Variants in PRELID2 observed in about 807,000 individuals in gnomAD.
PRELID2 encodes the protein PRELI domain-containing protein 2.
In PRELID2, 25 loss-of-function variants were observed where a neutral mutation model predicts 28.4. The ratio of observed to expected loss-of-function variants is 0.88; its 90% CI spans 0.64 to 1.23. The LOEUF is 1.23. PRELID2 is among the 50% of genes most tolerant of loss of function. The pLI is 0.00. For synonymous variants in PRELID2, 76 were observed against 71.6 expected, an observed-to-expected ratio of 1.06 and a Z score of -0.31; for missense variants, 201 against 214.4, an observed-to-expected ratio of 0.94 and a Z score of 0.39.
chr5:145,795,277 G>A (rs1180646595), intron 5 of PRELID2: 2 of 152,104 alleles, frequency 1.3e-5, no homozygotes, highest in Non-Finnish European at 2.9e-5. Flanking sequence ...TAATGTCTGA[G>A]TGAGTAAAGG....
At position 145,766,242 on chromosome 5, in the gene PRELID2, A is replaced by C. The variant is rs189384644; in HGVS notation, c.475-1242T>G. 5.6e-3 allele frequency among the ~76,000 whole-genome samples: 853 copies of C among 152,282 alleles called. 7 individuals carry two copies. Among genetic ancestry groups the C allele is most frequent in the Non-Finnish European group, 7.6e-3 (519 of 68,016 alleles). On this transcript the variant is annotated intron_variant, in intron 5 of 6. Coordinates refer to ENST00000683046, the MANE Select transcript of PRELID2 (RefSeq NM_205846.3). ...AGCCTGAGAATTCTTGCAGAGAAGA[A>C]TAATGATAAGGGGAACTTAAAATAC...
At chr5:145,548,672 T>C (rs1561503976) in intron 1 of PRELID2, among the ~76,000 whole-genome samples, 1 of 152,204 alleles carries the variant, frequency 6.6e-6, no homozygotes, top group Non-Finnish European at 1.5e-5. Context: ...ACCCAGGCCA[T>C]GCCTTCACTA....
chr5:145,635,427 G>A (rs533001462), intron 1 of PRELID2, among the ~76,000 whole-genome samples: 1 of 151,988 alleles, frequency 6.6e-6, no homozygotes, highest in African/African-American at 2.4e-5. Context: ...TATATACCAG[G>A]TATTAACTTC....
intron 1 of PRELID2, among the ~76,000 whole-genome samples, chr5:145,712,671 T>C (rs767024908): frequency 3.0e-4 from 45 of 152,110 alleles, no homozygotes; most frequent in Admixed American, 4.6e-4. Flanking sequence ...AGCAACAAAA[T>C]GTAGCCCATC....
At chr5:145,301,033 T>C in the PRELID2 span, among the ~76,000 whole-genome samples, 1 of 152,108 alleles carries the variant, frequency 6.6e-6, no homozygotes, top group Non-Finnish European at 1.5e-5. Context: ...TGCATACTTT[T>C]TCCCCCTTGC....
chr5:145,366,505 C>A, the PRELID2 span, among the ~76,000 whole-genome samples: 1 of 151,844 alleles, frequency 6.6e-6, no homozygotes, highest in African/African-American at 2.4e-5. Flanking sequence ...TTTCAATTGT[C>A]GCCAAGCATT....
At chr5:145,401,284 A>G in the PRELID2 span, among the ~76,000 whole-genome samples, 3 of 152,086 alleles carry the variant, frequency 2.0e-5, no homozygotes, top group Non-Finnish European at 4.4e-5. Context: ...AATATGAATA[A>G]AGAGGGTAGA....
chr5:145,588,552 A>G (rs1412770374), intron 1 of PRELID2, among the ~76,000 whole-genome samples: 2 of 152,306 alleles, frequency 1.3e-5, no homozygotes, highest in African/African-American at 4.8e-5. Context: ...ATTGTCCCAA[A>G]TTAATTTTTA....
chr5:145,319,170 C>G, the PRELID2 span, among the ~76,000 whole-genome samples: 1 of 152,068 alleles, frequency 6.6e-6, no homozygotes, highest in Non-Finnish European at 1.5e-5. Flanking sequence ...AATGCCTGTT[C>G]CCATTTAGGG....
intron 1 of PRELID2, among the ~76,000 whole-genome samples, chr5:145,523,710 A>G (rs1050792318): frequency 1.3e-5 from 2 of 152,068 alleles, no homozygotes; most frequent in Non-Finnish European, 2.9e-5. Flanking sequence ...CTCTCTCCAA[A>G]CACTCCCAGT....
intron 1 of PRELID2, among the ~76,000 whole-genome samples, chr5:145,663,419 A>G (rs1349164238): frequency 3.3e-5 from 5 of 152,158 alleles, no homozygotes; most frequent in African/African-American, 7.2e-5. Flanking sequence ...ACTTCATATT[A>G]CTACCAGATA....
the PRELID2 span, among the ~76,000 whole-genome samples, chr5:145,407,951 C>T: frequency 1.3e-5 from 2 of 152,118 alleles, no homozygotes; most frequent in Non-Finnish European, 2.9e-5. Context: ...GGCTGAAAGA[C>T]CTGAAGATGA....
intron 1 of PRELID2, among the ~76,000 whole-genome samples, chr5:145,538,947 T>A (rs182337590): frequency 7.9e-5 from 12 of 152,040 alleles, no homozygotes; most frequent in African/African-American, 2.9e-4. Flanking sequence ...ACTGCATAAC[T>A]CAGAATACCT....
At chr5:145,721,722 A>C (rs1018032088) in intron 1 of PRELID2, among the ~76,000 whole-genome samples, 2 of 152,152 alleles carry the variant, frequency 1.3e-5, no homozygotes, top group Non-Finnish European at 2.9e-5. Flanking sequence ...ACACCTAAAA[A>C]CAGTGATTCA....
At chr5:145,361,416 C>T in the PRELID2 span, among the ~76,000 whole-genome samples, 3 of 152,162 alleles carry the variant, frequency 2.0e-5, no homozygotes, top group East Asian at 1.9e-4. Context: ...AGATGCCTGC[C>T]TCTATGGTAT....
intron 1 of PRELID2, among the ~76,000 whole-genome samples, chr5:145,590,427 TATTG>T (rs2149630579): frequency 6.6e-6 from 1 of 152,210 alleles, no homozygotes; most frequent in East Asian, 1.9e-4. Context: ...TTTATTTATT[TATTG>T]TTTATCTCTC....
chr5:145,332,672 C>A, the PRELID2 span, among the ~76,000 whole-genome samples: 2 of 151,620 alleles, frequency 1.3e-5, no homozygotes, highest in Admixed American at 6.6e-5. Context: ...TTCTTCTAAC[C>A]TTTTTTAAAG....
At chr5:145,652,761 G>A (rs1754320467) in intron 1 of PRELID2, among the ~76,000 whole-genome samples, 1 of 152,136 alleles carries the variant, frequency 6.6e-6, no homozygotes, top group Non-Finnish European at 1.5e-5. Context: ...CACTAAACAT[G>A]GAAAGGAACA....
At chr5:145,405,127 G>T in the PRELID2 span, among the ~76,000 whole-genome samples, 1 of 152,088 alleles carries the variant, frequency 6.6e-6, no homozygotes, top group South Asian at 2.1e-4. Flanking sequence ...CCTGATTGGG[G>T]AACTCCCAAT....
Sources: gnomAD v4.1 joint callset for allele counts (sites outside exome capture counted in the v4.1 genomes callset) on GRCh38, gnomAD v4.1.1 for gene constraint, MANE v1.5 for transcripts, NCBI Gene and HGNC (gene_info 2026-07-23, HGNC 2026-07-21) for gene names.